Variants in CCSER1 observed in about 807,000 individuals in gnomAD.
The protein encoded by CCSER1 is coiled-coil serine rich protein 1.
A neutral mutation model predicts 82.0 loss-of-function variants in CCSER1; 41 were observed. The observed-to-expected ratio is 0.50, with a 90% CI of 0.39 to 0.65. The LOEUF is 0.65. CCSER1 is among the 30% of genes least tolerant of loss of function. The probability of loss-of-function intolerance (pLI) is 0.00; values close to 1 mark genes in which losing one functional copy is unlikely to be tolerated. For synonymous variants in CCSER1, 414 were observed against 383.9 expected (o/e 1.08, Z -0.92); for missense variants, 1,119 against 1,064.2 (o/e 1.05, Z -0.72).
chr4:90,673,769 A>G lies in CCSER1; in HGVS notation c.1932+45537A>G, dbSNP rs1733261415. ...AAACAGCAACTTTGCTCTTTTATGT[A>G]GTCAAGCAGATACAACCCATTATAC... On this transcript the variant is annotated intron_variant, in intron 6 of 10. Transcript: ENST00000509176. 3.3e-5 allele frequency among the ~76,000 whole-genome samples: 5 copies of G among 152,010 alleles called. No homozygotes were observed. The South Asian group carries it at 1.0e-3, about 31-fold the overall frequency.
intron 4 of CCSER1, among the ~76,000 whole-genome samples, chr4:90,433,220 A>G (rs964949401): frequency 6.6e-6 from 1 of 152,114 alleles, no homozygotes; most frequent in Non-Finnish European, 1.5e-5. Flanking sequence ...TGCTCTTTCC[A>G]TTATAATTAA....
chr4:90,254,892 A>C (rs1722990002), intron 1 of CCSER1, among the ~76,000 whole-genome samples: 1 of 151,932 alleles, frequency 6.6e-6, no homozygotes, highest in African/African-American at 2.4e-5. Flanking sequence ...TTCCTCCTGT[A>C]GTGTTCTTAG....
intron 9 of CCSER1, among the ~76,000 whole-genome samples, chr4:90,927,598 A>G (rs1227023347): frequency 6.6e-6 from 1 of 151,942 alleles, no homozygotes; most frequent in Non-Finnish European, 1.5e-5. Flanking sequence ...CACTTTCCAA[A>G]TGGTGGGATT....
chr4:91,576,079 T>C (rs1193997277), intron 10 of CCSER1, among the ~76,000 whole-genome samples: 1 of 152,020 alleles, frequency 6.6e-6, no homozygotes, highest in African/African-American at 2.4e-5. Flanking sequence ...TTATTCACAA[T>C]AGACAAGATA....
chr4:90,374,228 G>A (rs1388205513), intron 3 of CCSER1, among the ~76,000 whole-genome samples: 1 of 152,188 alleles, frequency 6.6e-6, no homozygotes, highest in Non-Finnish European at 1.5e-5. Context: ...AAGTGTATAA[G>A]AATTGGCAGT....
At chr4:90,582,015 T>C (rs1345416452) in intron 5 of CCSER1, among the ~76,000 whole-genome samples, 2 of 152,070 alleles carry the variant, frequency 1.3e-5, no homozygotes, top group African/African-American at 2.4e-5. Context: ...TTTTTTCTTA[T>C]TGTTTTAGTG....
At chr4:90,894,729 A>G (rs1232422536) in intron 8 of CCSER1, among the ~76,000 whole-genome samples, 1 of 151,502 alleles carries the variant, frequency 6.6e-6, no homozygotes, top group African/African-American at 2.4e-5. Flanking sequence ...TAATGGTACC[A>G]TTTCTCATAC....
At chr4:90,896,240 T>G (rs1437868620) in intron 8 of CCSER1, among the ~76,000 whole-genome samples, 2 of 151,904 alleles carry the variant, frequency 1.3e-5, no homozygotes, top group Non-Finnish European at 2.9e-5. Flanking sequence ...GATGACGAAG[T>G]TTGTTTATTC....
At chr4:91,569,976 T>C (rs1207331968) in intron 10 of CCSER1, among the ~76,000 whole-genome samples, 1 of 152,056 alleles carries the variant, frequency 6.6e-6, no homozygotes, top group Non-Finnish European at 1.5e-5. Context: ...CTAGATATGA[T>C]GGGGGAAAAG....
At chr4:91,032,835 G>T (rs946144622) in intron 9 of CCSER1, among the ~76,000 whole-genome samples, 4 of 152,178 alleles carry the variant, frequency 2.6e-5, no homozygotes, top group African/African-American at 9.7e-5. Flanking sequence ...CTTGAATGGG[G>T]CCTGAGAATT....
intron 6 of CCSER1, among the ~76,000 whole-genome samples, chr4:90,705,809 T>C (rs1187042796): frequency 6.6e-6 from 1 of 152,214 alleles, no homozygotes; most frequent in East Asian, 1.9e-4. Flanking sequence ...TGCTGTTTGC[T>C]AAGACCATTG....
At chr4:91,398,509 A>T (rs1752127187) in intron 10 of CCSER1, among the ~76,000 whole-genome samples, 1 of 151,968 alleles carries the variant, frequency 6.6e-6, no homozygotes. Flanking sequence ...TTAAAAGATA[A>T]TAAAAAATAG....
intron 10 of CCSER1, among the ~76,000 whole-genome samples, chr4:91,200,590 T>C (rs1735826711): frequency 6.6e-6 from 1 of 152,068 alleles, no homozygotes; most frequent in Admixed American, 6.6e-5. Context: ...GGTACTTTAA[T>C]GTATTAAAAT....
intron 10 of CCSER1, among the ~76,000 whole-genome samples, chr4:91,445,345 T>C (rs1755483043): frequency 6.6e-6 from 1 of 151,920 alleles, no homozygotes; most frequent in Non-Finnish European, 1.5e-5. Context: ...TATTGGGAGA[T>C]AAAAAGAGAG....
intron 9 of CCSER1, among the ~76,000 whole-genome samples, chr4:90,933,021 AAAG>A (rs1561385705): frequency 2.1e-5 from 2 of 96,114 alleles, no homozygotes; most frequent in Non-Finnish European, 4.0e-5. Flanking sequence ...AGAAAGAAAG[AAAG>A]AAAGAAAGAA....
intron 6 of CCSER1, among the ~76,000 whole-genome samples, chr4:90,684,668 T>C (rs1050926131): frequency 6.6e-6 from 1 of 152,198 alleles, no homozygotes; most frequent in African/African-American, 2.4e-5. Flanking sequence ...GTTGTTGATA[T>C]GGTTTGGCTG....
chr4:91,172,283 A>G (rs966354721), intron 10 of CCSER1, among the ~76,000 whole-genome samples: 1 of 152,190 alleles, frequency 6.6e-6, no homozygotes, highest in African/African-American at 2.4e-5. Flanking sequence ...GTTAAAAGAA[A>G]TTTTGTTCAA....
chr4:90,169,310 T>G (rs1198639762), intron 1 of CCSER1, among the ~76,000 whole-genome samples: 1 of 152,134 alleles, frequency 6.6e-6, no homozygotes, highest in Non-Finnish European at 1.5e-5. Flanking sequence ...TGCTTATGAT[T>G]TTTGCACATT....
At chr4:91,486,033 C>T (rs568354751) in intron 10 of CCSER1, among the ~76,000 whole-genome samples, 1 of 151,944 alleles carries the variant, frequency 6.6e-6, no homozygotes, top group East Asian at 1.9e-4. Context: ...CATCCTTTTA[C>T]ACCACTTTAT....
Sources: gnomAD v4.1 joint callset for allele counts (sites outside exome capture counted in the v4.1 genomes callset) on GRCh38, gnomAD v4.1.1 for gene constraint, MANE v1.5 for transcripts, NCBI Gene and HGNC (gene_info 2026-07-23, HGNC 2026-07-21) for gene names.